The following TLCD4 variants were observed in gnomAD, a reference collection of about 807,000 sequenced individuals.
TLCD4 encodes the protein TLC domain containing 4, also known as TLC domain-containing protein 4.
Under a neutral mutation model 24.2 loss-of-function variants are expected in TLCD4, and 7 were observed. The ratio of observed to expected loss-of-function variants is 0.29; its 90% CI spans 0.16 to 0.54. The LOEUF is 0.54. TLCD4 is among the 20% of genes least tolerant of loss of function. The pLI is 0.95. For synonymous variants in TLCD4, 103 were observed against 106.4 expected (o/e 0.97, Z 0.20); for missense variants, 259 against 313.9 (o/e 0.82, Z 1.32).
chr1:95,099,963 CT>C, the TLCD4 span, among the ~76,000 whole-genome samples: 6 of 151,628 alleles, frequency 4.0e-5, no homozygotes, highest in Non-Finnish European at 8.8e-5. Context: ...GAAACCCCCC[CT>C]CTACTAAAAA....
intron 1 of TLCD4, among the ~76,000 whole-genome samples, chr1:95,119,830 A>C (rs1676521271): frequency 6.6e-6 from 1 of 151,428 alleles, no homozygotes; most frequent in Admixed American, 6.6e-5. Context: ...TTTCCAAATT[A>C]GTCCCACATC....
At chr1:95,185,829 A>G in intron 6 of TLCD4, among the ~76,000 whole-genome samples, 1 of 152,240 alleles carries the variant, frequency 6.6e-6, no homozygotes, top group East Asian at 1.9e-4. Flanking sequence ...GTCAGAAGTC[A>G]AGCAATTTTC....
chr1:95,183,030 CAGTG>C (rs1419430681), intron 6 of TLCD4, among the ~76,000 whole-genome samples: 2 of 152,072 alleles, frequency 1.3e-5, no homozygotes, highest in African/African-American at 4.8e-5. Context: ...ACCCAGTAGA[CAGTG>C]AGATTATAGT....
chr1:95,185,553 A>C (rs1203494695), intron 6 of TLCD4, among the ~76,000 whole-genome samples: 3 of 152,172 alleles, frequency 2.0e-5, no homozygotes, highest in African/African-American at 7.2e-5. Context: ...CACCTCTGCC[A>C]CCTTTGCGAC....
intron 5 of TLCD4, among the ~76,000 whole-genome samples, chr1:95,168,728 G>A (rs1678105482): frequency 6.6e-6 from 1 of 151,978 alleles, no homozygotes; most frequent in South Asian, 2.1e-4. Context: ...AGGCCTGAAG[G>A]ACTCTTGGGA....
chr1:95,193,057 C>G lies in TLCD4; in HGVS notation c.*1189C>G, dbSNP rs1230816736. On this transcript the variant is annotated 3_prime_UTR_variant, in exon 7 of 7. Coordinates refer to ENST00000370203, the MANE Select transcript of TLCD4 (RefSeq NM_152487.3). Reference sequence around the variant, plus strand: ...GCAAAATCTTCCCTGAGTTCTGAACCCAGCACCATCAGTACCAAAGTCTTA... The same window carrying G: ...GCAAAATCTTCCCTGAGTTCTGAACGCAGCACCATCAGTACCAAAGTCTTA... 3 of 151,968 alleles carry G rather than the reference C, an allele frequency of 2.0e-5. No homozygotes were observed. The highest frequency in any genetic ancestry group is 7.2e-5 in the African/African-American group (3 of 41,380). 9.4% of individuals were successfully genotyped at this position (151,968 alleles called of 1,614,324 possible).
At chr1:95,172,962 T>G (rs1056723977) in intron 5 of TLCD4, among the ~76,000 whole-genome samples, 7 of 152,218 alleles carry the variant, frequency 4.6e-5, no homozygotes, top group Non-Finnish European at 7.3e-5. Context: ...ATGTATACTT[T>G]TGGTTTTCCT....
At chr1:95,108,935 T>C in the TLCD4 span, among the ~76,000 whole-genome samples, 1 of 152,236 alleles carries the variant, frequency 6.6e-6, no homozygotes, top group Non-Finnish European at 1.5e-5. Context: ...ATTGTTCTTC[T>C]GGTAAACTTG....
chr1:95,141,910 G>A (rs375642456), intron 1 of TLCD4, among the ~76,000 whole-genome samples: 3 of 151,688 alleles, frequency 2.0e-5, no homozygotes, highest in Non-Finnish European at 4.4e-5. Context: ...TTCTTATTAC[G>A]ATATCCTGGT....
At position 95,150,191 on chromosome 1, in the gene TLCD4, C is replaced by CT. The variant is rs778156746; in HGVS notation, c.246-17_246-16insT. ...ACAATCTATATACTTTAAAAAGGAA[C>CT]CTTTTTTTTTTTTCAGGGGTGGTCC... On this transcript the variant is annotated splice_polypyrimidine_tract_variant and intron_variant, in intron 3 of 6. Transcript: ENST00000370203. The CT allele has an allele frequency of 5.2e-5, 83 of 1,593,082 alleles. No homozygotes were observed. The highest frequency in any genetic ancestry group is 7.1e-5 in the Non-Finnish European group (83 of 1,175,170).
chr1:95,188,116 G>A (rs1235776096), intron 6 of TLCD4, among the ~76,000 whole-genome samples: 1 of 152,174 alleles, frequency 6.6e-6, no homozygotes, highest in Admixed American at 6.5e-5. Context: ...AGCCGGGCGC[G>A]GTAGCTCACG....
At chr1:95,105,947 GACTACTGCAA>G in the TLCD4 span, among the ~76,000 whole-genome samples, 1 of 146,364 alleles carries the variant, frequency 6.8e-6, no homozygotes, top group Non-Finnish European at 1.5e-5. Context: ...GCAGAAAGAA[GACTACTGCAA>G]AGAGGACTAG....
intron 6 of TLCD4, among the ~76,000 whole-genome samples, chr1:95,176,526 T>A (rs1678438309): frequency 6.6e-6 from 1 of 152,224 alleles, no homozygotes; most frequent in Non-Finnish European, 1.5e-5. Context: ...TTTATTTTGT[T>A]GTAGTGGTAC....
Position 95,173,899 on chromosome 1 carries a change from T to C in TLCD4, c.473+10T>C. ...CGTTTGTGAATCAGCGGTATGTTAC[T>C]GATATCATTGATTATTTTAAAGTCA... On this transcript the variant is annotated intron_variant, in intron 6 of 6. Transcript: ENST00000370203. The C allele has an allele frequency of 6.2e-7, 1 of 1,613,664 alleles. No individual in the cohort carries two copies. Among genetic ancestry groups the C allele is most frequent in the Non-Finnish European group, 8.5e-7 (1 of 1,179,930 alleles).
At chr1:95,167,225 G>C (rs966467079) in intron 5 of TLCD4, among the ~76,000 whole-genome samples, 1 of 152,030 alleles carries the variant, frequency 6.6e-6, no homozygotes, top group Non-Finnish European at 1.5e-5. Context: ...TGCCACCAGA[G>C]CTAGGATTCA....
At chr1:95,165,329 T>C (rs1677977508) in intron 5 of TLCD4, 1 of 152,238 alleles carries the variant, frequency 6.6e-6, no homozygotes, top group South Asian at 2.1e-4. Context: ...CCAATGACTA[T>C]TGTTATGTGT....
At chr1:95,143,755 T>G in intron 1 of TLCD4, 136 bp from the exon 2 acceptor site, 1 of 866,502 alleles carries the variant, frequency 1.2e-6, no homozygotes, top group Non-Finnish European at 1.5e-6. Context: ...GGTCAAAAAT[T>G]CTTATAGTTT....
At position 95,194,873 on chromosome 1, in the gene TLCD4, A is replaced by G. The variant is rs989915012; in HGVS notation, c.*3005A>G. ...TGTAAAACTGGAAATGAAGTTATAT[A>G]TGAGTGCAAAGAAATTGACTTCTGC... On this transcript the variant is annotated 3_prime_UTR_variant, in exon 7 of 7. Coordinates refer to ENST00000370203, the MANE Select transcript of TLCD4 (RefSeq NM_152487.3). 1.3e-5 allele frequency: 2 copies of G among 152,206 alleles called. No individual in the cohort carries two copies. The highest frequency in any genetic ancestry group is 2.9e-5 in the Non-Finnish European group (2 of 68,032). 9.4% of individuals were successfully genotyped at this position (152,206 alleles called of 1,614,324 possible). A position where few individuals can be genotyped will look rare whatever the true frequency, so the allele number is the denominator to read the frequency against.
intron 5 of TLCD4, among the ~76,000 whole-genome samples, chr1:95,173,037 A>G (rs1014380331): frequency 1.3e-5 from 2 of 152,214 alleles, no homozygotes; most frequent in Non-Finnish European, 2.9e-5. Flanking sequence ...ACTAGGTATT[A>G]TGTTTAAATT....
Sources: gnomAD v4.1 joint callset for allele counts (sites outside exome capture counted in the v4.1 genomes callset) on GRCh38, gnomAD v4.1.1 for gene constraint, MANE v1.5 for transcripts, NCBI Gene and HGNC (gene_info 2026-07-23, HGNC 2026-07-21) for gene names.